Variants in CFAP206 observed in about 807,000 individuals in gnomAD.
The protein encoded by CFAP206 is cilia- and flagella-associated protein 206.
A neutral mutation model predicts 65.4 loss-of-function variants in CFAP206; 53 were observed. The ratio of observed to expected loss-of-function variants is 0.81; its 90% CI spans 0.65 to 1.02. CFAP206 has a LOEUF of 1.02. CFAP206 is among the 50% of genes least tolerant of loss of function. The probability of loss-of-function intolerance (pLI) is 0.00; values close to 1 mark genes in which losing one functional copy is unlikely to be tolerated. For missense variants in CFAP206, 663 were observed against 753.2 expected, an observed-to-expected ratio of 0.88 and a Z score of 1.40; for synonymous variants, 250 against 254.4, an observed-to-expected ratio of 0.98 and a Z score of 0.17.
intron 11 of CFAP206, among the ~76,000 whole-genome samples, chr6:87,453,395 CA>C (rs1199577115): frequency 1.3e-5 from 2 of 152,118 alleles, no homozygotes; most frequent in African/African-American, 4.8e-5. Flanking sequence ...TCTGAAGGCA[CA>C]AAACTCATTA....
At chr6:87,459,743 T>G (rs1353327369) in intron 11 of CFAP206, among the ~76,000 whole-genome samples, 2 of 152,194 alleles carry the variant, frequency 1.3e-5, no homozygotes, top group African/African-American at 4.8e-5. Context: ...ACTTATAACT[T>G]ACAGAGTTGT....
At chr6:87,422,613 C>T (rs1299098898) in intron 7 of CFAP206, among the ~76,000 whole-genome samples, 1 of 150,680 alleles carries the variant, frequency 6.6e-6, no homozygotes, top group Non-Finnish European at 1.5e-5. Flanking sequence ...TAGCCCGGTG[C>T]AGTGGCAGGC....
At chr6:87,463,869 T>C (rs1201644056) in intron 12 of CFAP206, 151 bp from the exon 13 acceptor site, 5 of 516,608 alleles carry the variant, frequency 9.7e-6, no homozygotes, top group Non-Finnish European at 1.3e-5. Flanking sequence ...TTCTAGATTT[T>C]CCAATGTTTT....
intron 11 of CFAP206, among the ~76,000 whole-genome samples, chr6:87,459,655 G>A (rs1768708240): frequency 1.3e-5 from 2 of 152,150 alleles, no homozygotes; most frequent in Non-Finnish European, 2.9e-5. Flanking sequence ...ATGGGGAAAG[G>A]GAAGTCAGTT....
chr6:87,450,670 C>T (rs1282099975), intron 11 of CFAP206, among the ~76,000 whole-genome samples: 2 of 150,042 alleles, frequency 1.3e-5, no homozygotes, highest in Admixed American at 1.3e-4. Context: ...CATCCCCCGA[C>T]AGGAACATCA....
chr6:87,419,081 T>C (rs1767892438), intron 7 of CFAP206, among the ~76,000 whole-genome samples: 1 of 67,086 alleles, frequency 1.5e-5, no homozygotes. Flanking sequence ...CACTGCACTC[T>C]GACAGAGGGA....
At chr6:87,425,265 C>G (rs12529035) in intron 7 of CFAP206, among the ~76,000 whole-genome samples, 2 of 152,088 alleles carry the variant, frequency 1.3e-5, no homozygotes, top group Non-Finnish European at 2.9e-5. Context: ...AAGACAGATA[C>G]AAATTCTTAC....
chr6:87,419,831 C>G (rs1767908339), intron 7 of CFAP206, among the ~76,000 whole-genome samples: 1 of 152,118 alleles, frequency 6.6e-6, no homozygotes, highest in South Asian at 2.1e-4. Context: ...GAGGAAGGAT[C>G]CTAGCTGGGA....
At chr6:87,445,621 A>G (rs113993230) in intron 11 of CFAP206, among the ~76,000 whole-genome samples, 1,671 of 152,210 alleles carry the variant, frequency 0.011, 38 homozygotes, top group African/African-American at 0.038. Flanking sequence ...GGGCACTTAG[A>G]TTGATTCCAT....
rs1582151919 is a variant in CFAP206 at position 87,454,912 on chromosome 6, ATTTTATTT to A, written c.1495-6098_1495-6091del. Among the ~76,000 whole-genome samples the A allele has an allele frequency of 4.0e-5, 6 of 150,904 alleles. No homozygotes were observed. In the South Asian group the frequency reaches 8.4e-4, roughly 21 times the overall value. On this transcript the variant is annotated intron_variant, in intron 11 of 12. Coordinates refer to ENST00000369562, the MANE Select transcript of CFAP206 (RefSeq NM_001031743.3). Reference sequence around the variant, plus strand: ...AATCAATAACAAGAGGAACTTTATTATTTTATTTTTTTATTTTTTATTATTTTTTTTAT... The same window carrying A: ...AATCAATAACAAGAGGAACTTTATTATTTTATTTTTTATTATTTTTTTTAT...
chr6:87,450,088 A>G (rs973131695), intron 11 of CFAP206, among the ~76,000 whole-genome samples: 3 of 152,314 alleles, frequency 2.0e-5, no homozygotes, highest in South Asian at 2.1e-4. Flanking sequence ...TCCTTTCTCC[A>G]GTGTGTCCTT....
intron 11 of CFAP206, among the ~76,000 whole-genome samples, chr6:87,451,213 C>T (rs529868080): frequency 5.6e-4 from 85 of 152,274 alleles, no homozygotes; most frequent in African/African-American, 1.9e-3. Context: ...ACACCAGCTA[C>T]GGTAGACAAG....
intron 9 of CFAP206, among the ~76,000 whole-genome samples, 187 bp downstream of exon 9, chr6:87,429,011 C>T (rs1029453425): frequency 1.3e-5 from 2 of 152,210 alleles, no homozygotes; most frequent in African/African-American, 2.4e-5. Context: ...GGGGCCGAGG[C>T]GGGTGGATCA....
chr6:87,447,220 A>G (rs539048432), intron 11 of CFAP206, among the ~76,000 whole-genome samples: 1 of 152,250 alleles, frequency 6.6e-6, no homozygotes, highest in South Asian at 2.1e-4. Flanking sequence ...AACTTCCAGT[A>G]CCGTGTTGAA....
intron 11 of CFAP206, among the ~76,000 whole-genome samples, chr6:87,457,429 A>G (rs1471984251): frequency 6.6e-6 from 1 of 152,256 alleles, no homozygotes; most frequent in Non-Finnish European, 1.5e-5. Flanking sequence ...CTACAGAGCT[A>G]TAGTAAGCAA....
intron 7 of CFAP206, among the ~76,000 whole-genome samples, chr6:87,422,374 C>T (rs192727030): frequency 4.1e-5 from 6 of 144,810 alleles, no homozygotes; most frequent in East Asian, 2.2e-4. Context: ...TTCTTGAATC[C>T]GGGAGGCAGA....
At chr6:87,416,610 G>T in intron 5 of CFAP206, 59 bp from the exon 6 acceptor site, 1 of 1,467,282 alleles carries the variant, frequency 6.8e-7, no homozygotes, top group Non-Finnish European at 9.2e-7. Flanking sequence ...GTTATTTAAC[G>T]TCTGATATCT....
intron 10 of CFAP206, among the ~76,000 whole-genome samples, chr6:87,433,129 T>C (rs1253254509): frequency 6.6e-6 from 1 of 152,244 alleles, no homozygotes; most frequent in Non-Finnish European, 1.5e-5. Context: ...AAACTCTGCC[T>C]CCCAGGTTGC....
In CFAP206 at chr6:87,409,824, GTTTTA is replaced by G. The variant is rs1230200844; in HGVS notation, c.-5-7_-5-3del. ...CACGGTTTTTTTAAAAAAAATTGTT[GTTTTA>G]TTTAGCCAGAATGCCTCCAACTCAG... On this transcript the variant is annotated splice_polypyrimidine_tract_variant and splice_region_variant and intron_variant, in intron 1 of 12. Coordinates refer to ENST00000369562, the MANE Select transcript of CFAP206 (RefSeq NM_001031743.3). 6.4e-7 allele frequency: 1 copy of G among 1,569,120 alleles called. No individual in the cohort carries two copies. Among genetic ancestry groups the G allele is most frequent in the Non-Finnish European group, 8.7e-7 (1 of 1,153,502 alleles).
Sources: gnomAD v4.1 joint callset for allele counts (sites outside exome capture counted in the v4.1 genomes callset) on GRCh38, gnomAD v4.1.1 for gene constraint, MANE v1.5 for transcripts, NCBI Gene and HGNC (gene_info 2026-07-23, HGNC 2026-07-21) for gene names.